Variants in TBL1X observed in about 807,000 individuals in gnomAD.
The protein encoded by TBL1X is F-box-like/WD repeat-containing protein TBL1X.
A neutral mutation model predicts 50.7 loss-of-function variants in TBL1X; 10 were observed. The ratio of observed to expected loss-of-function variants is 0.20; its 90% confidence interval spans 0.12 to 0.33. TBL1X has a LOEUF of 0.33. Ranked by LOEUF, TBL1X falls within the 10% of genes least tolerant of loss-of-function variation. The pLI is 1.00. For missense variants in TBL1X, 340 were observed against 504.4 expected (o/e 0.67, Z 3.12); for synonymous variants, 190 against 214.7 (o/e 0.88, Z 1.01).
chrX:9,506,393 GAGAGGCA>G (rs775164411), intron 2 of TBL1X, among the ~76,000 whole-genome samples: 10 of 111,571 alleles, frequency 9.0e-5, no homozygotes, highest in African/African-American at 3.3e-4. Context: ...AAAAGAGCTA[GAGAGGCA>G]AGAGCAAACT....
chrX:9,644,101 A>T (rs2082789915), intron 3 of TBL1X, among the ~76,000 whole-genome samples: 1 of 112,333 alleles, frequency 8.9e-6, no homozygotes. Flanking sequence ...AGTGTCTTAG[A>T]GATATCATGA....
intron 5 of TBL1X, among the ~76,000 whole-genome samples, chrX:9,658,494 G>A (rs1349577136): frequency 3.6e-5 from 4 of 110,984 alleles, no homozygotes; most frequent in South Asian, 3.8e-4. Flanking sequence ...GCATATTTCT[G>A]AATACAGCCA....
chrX:9,552,194 G>A (rs1323647984), intron 2 of TBL1X, among the ~76,000 whole-genome samples: 1 of 111,324 alleles, frequency 9.0e-6, no homozygotes, highest in Non-Finnish European at 1.9e-5. Context: ...AGGTTGGGGT[G>A]TTTGGGAATT....
intron 2 of TBL1X, among the ~76,000 whole-genome samples, chrX:9,532,735 G>A (rs1440338347): frequency 4.5e-5 from 5 of 111,245 alleles, no homozygotes; most frequent in Non-Finnish European, 9.4e-5. Context: ...TCCTAACAAG[G>A]TCATCCCTCT....
chrX:9,669,727 G>T (rs777159021), intron 5 of TBL1X, among the ~76,000 whole-genome samples: 1 of 111,259 alleles, frequency 9.0e-6, no homozygotes, highest in Non-Finnish European at 1.9e-5. Context: ...TTTACCTTGG[G>T]GTCTGCAGCT....
At chrX:9,489,808 C>G (rs991908055) in intron 1 of TBL1X, among the ~76,000 whole-genome samples, 1 of 111,435 alleles carries the variant, frequency 9.0e-6, no homozygotes, top group Non-Finnish European at 1.9e-5. Flanking sequence ...TAGACTTCCA[C>G]TATGGGAGGA....
chrX:9,591,546 G>T (rs2082499938), intron 2 of TBL1X, among the ~76,000 whole-genome samples: 1 of 112,432 alleles, frequency 8.9e-6, no homozygotes, highest in Admixed American at 9.4e-5. Flanking sequence ...CTTTGTGCAG[G>T]TTATAACAGG....
intron 2 of TBL1X, among the ~76,000 whole-genome samples, chrX:9,549,024 C>G (rs111718936): frequency 8.8e-5 from 10 of 113,293 alleles, no homozygotes; most frequent in African/African-American, 3.2e-4. Context: ...TTTTCTCATG[C>G]TTACTTGAAG....
intron 1 of TBL1X, among the ~76,000 whole-genome samples, chrX:9,488,172 ATCATAT>A (rs1342490956): frequency 8.9e-6 from 1 of 112,254 alleles, no homozygotes; most frequent in African/African-American, 3.2e-5. Context: ...GTTATAATTG[ATCATAT>A]TCATTTCTTG....
chrX:9,530,820 G>C (rs777400175), intron 2 of TBL1X, among the ~76,000 whole-genome samples: 1 of 111,633 alleles, frequency 9.0e-6, no homozygotes, highest in East Asian at 2.8e-4. Flanking sequence ...TAAATGGCAC[G>C]TTTTACCCAT....
intron 7 of TBL1X, among the ~76,000 whole-genome samples, chrX:9,688,974 GTGTC>G (rs2146634983): frequency 8.8e-6 from 1 of 113,735 alleles, no homozygotes; most frequent in East Asian, 2.8e-4. Flanking sequence ...GTATGTGCCT[GTGTC>G]TGTGTGCAAG....
intron 2 of TBL1X, among the ~76,000 whole-genome samples, chrX:9,598,345 C>T (rs1385349669): frequency 1.8e-5 from 2 of 112,292 alleles, no homozygotes; most frequent in African/African-American, 3.2e-5. Flanking sequence ...AACTCTTCAA[C>T]TTACAGAAAT....
rs780238145 is a variant in TBL1X, at chrX:9,606,801, C to T, written c.-130-33472C>T. Among the ~76,000 whole-genome samples, 17 of 112,449 alleles carry T rather than the reference C, an allele frequency of 1.5e-4. No individual in the cohort carries two copies. In the East Asian group the frequency reaches 1.7e-3, roughly 11 times the overall value. The stretch of plus-strand genomic sequence containing the variant: ...AAACAGTTCCTGAGCCCCTAATGGA[C>T]GAGCGTCCTCAGCTCCCACCTGCAC... On this transcript the variant is annotated intron_variant, in intron 2 of 17. Coordinates refer to ENST00000645353, the MANE Select transcript of TBL1X (RefSeq NM_005647.4).
chrX:9,592,808 T>C (rs1054422997), intron 2 of TBL1X, among the ~76,000 whole-genome samples: 1 of 112,382 alleles, frequency 8.9e-6, no homozygotes, highest in African/African-American at 3.2e-5. Context: ...AATGTCATCG[T>C]ATTTTTGTGG....
chrX:9,683,922 G>C (rs764014394), intron 5 of TBL1X, 121 bp from the exon 6 acceptor site: 2 of 1,061,960 alleles, frequency 1.9e-6, no homozygotes, highest in African/African-American at 3.7e-5. Flanking sequence ...TTCTGCAGCC[G>C]TGTCTGTCCC....
chrX:9,547,910 C>T (rs2082252847), intron 2 of TBL1X, among the ~76,000 whole-genome samples: 1 of 96,563 alleles, frequency 1.0e-5, no homozygotes, highest in Admixed American at 1.2e-4. Context: ...TTCCTCTTGC[C>T]ATCTAGTATC....
At chrX:9,565,701 T>G (rs1340708846) in intron 2 of TBL1X, among the ~76,000 whole-genome samples, 4 of 111,068 alleles carry the variant, frequency 3.6e-5, no homozygotes, top group Non-Finnish European at 7.6e-5. Flanking sequence ...CATGGTGGTG[T>G]GCTCCTGTGG....
At chrX:9,576,911 G>T (rs1003970078) in intron 2 of TBL1X, among the ~76,000 whole-genome samples, 1 of 109,693 alleles carries the variant, frequency 9.1e-6, no homozygotes, top group African/African-American at 3.3e-5. Flanking sequence ...GAGGTGGGAG[G>T]GTTGCTTGAG....
intron 2 of TBL1X, among the ~76,000 whole-genome samples, chrX:9,569,876 C>T: frequency 8.9e-6 from 1 of 112,240 alleles, no homozygotes; most frequent in Non-Finnish European, 1.9e-5. Flanking sequence ...TTGTGGATTT[C>T]AGCTGGATGA....
Sources: allele counts gnomAD v4.1 joint callset (sites outside exome capture counted in the v4.1 genomes callset), GRCh38; gene constraint gnomAD v4.1.1; transcripts MANE v1.5; gene names NCBI Gene and HGNC (gene_info 2026-07-23, HGNC 2026-07-21).